RAP1GDS1: variants seen among roughly 807,000 people sequenced by gnomAD.
The protein encoded by RAP1GDS1 is RAP1, GTP-GDP dissociation stimulator 1.
A neutral mutation model predicts 71.1 loss-of-function variants in RAP1GDS1; 35 were observed. That is an observed-to-expected ratio of 0.49 (90% CI 0.38 to 0.65). RAP1GDS1 has a LOEUF of 0.65. Among genes scored for constraint, RAP1GDS1 ranks in the 30% least tolerant of loss-of-function variants. The pLI is 0.00. For missense variants in RAP1GDS1, 663 were observed against 706.1 expected, an observed-to-expected ratio of 0.94 and a Z score of 0.69; for synonymous variants, 229 against 243.1, an observed-to-expected ratio of 0.94 and a Z score of 0.54.
chr4:98,303,928 C>T (rs1004046162), intron 2 of RAP1GDS1, among the ~76,000 whole-genome samples: 2 of 152,048 alleles, frequency 1.3e-5, no homozygotes, highest in African/African-American at 4.8e-5. Context: ...TGTTCAGCTC[C>T]CACTTATAAG....
At chr4:98,389,052 A>G (rs1006310335) in intron 5 of RAP1GDS1, among the ~76,000 whole-genome samples, 2 of 152,198 alleles carry the variant, frequency 1.3e-5, no homozygotes, top group East Asian at 1.9e-4. Context: ...TACTAATACA[A>G]TTTGGTGCCA....
Position 98,391,982 on chromosome 4 carries a change from G to C in RAP1GDS1, c.539G>C (p.Gly180Ala). 6.2e-7 allele frequency: 1 copy of C among 1,610,124 alleles called. No homozygotes were observed. Among genetic ancestry groups the C allele is most frequent in the Non-Finnish European group, 8.5e-7 (1 of 1,177,542 alleles). Residue 180 changes from glycine to alanine, a missense_variant, in exon 6 of 15, where the codon GGT becomes GCT. Coordinates refer to ENST00000408927, the MANE Select transcript of RAP1GDS1 (RefSeq NM_001100427.2). ...DSLQAQLINM[G>A]VIPTLVKLLG... ...CTTCAAGCTCAGCTTATCAATATGGGTGTTATTCCTACCTTAGTGAAATTA... is the reference window on the plus strand; with the variant it reads ...CTTCAAGCTCAGCTTATCAATATGGCTGTTATTCCTACCTTAGTGAAATTA...
At chr4:98,404,148 C>G (rs1386522060) in intron 6 of RAP1GDS1, among the ~76,000 whole-genome samples, 1 of 152,058 alleles carries the variant, frequency 6.6e-6, no homozygotes, top group African/African-American at 2.4e-5. Context: ...AGATAAGTCA[C>G]CTTTAATTCA....
intron 6 of RAP1GDS1, among the ~76,000 whole-genome samples, chr4:98,400,551 A>G (rs1425013851): frequency 2.0e-5 from 3 of 149,326 alleles, no homozygotes; most frequent in Non-Finnish European, 4.4e-5. Flanking sequence ...AAAAAAACGG[A>G]TACTAGAGGT....
chr4:98,419,928 C>T, intron 10 of RAP1GDS1, 91 bp from the exon 11 acceptor site: 1 of 1,208,480 alleles, frequency 8.3e-7, no homozygotes, highest in South Asian at 2.4e-5. Context: ...AAACATGGAT[C>T]TTAAAGATAC....
At chr4:98,438,208 T>G (rs1435174991) in intron 14 of RAP1GDS1, among the ~76,000 whole-genome samples, 1 of 152,066 alleles carries the variant, frequency 6.6e-6, no homozygotes, top group African/African-American at 2.4e-5. Flanking sequence ...TCGTCAACTT[T>G]ATCTGACTTT....
At chr4:98,377,516 T>C (rs1330866690) in intron 4 of RAP1GDS1, among the ~76,000 whole-genome samples, 1 of 151,910 alleles carries the variant, frequency 6.6e-6, no homozygotes, top group Non-Finnish European at 1.5e-5. Context: ...TCCATCTTTA[T>C]AACAATACAG....
chr4:98,329,238 C>T (rs1733587004), intron 2 of RAP1GDS1, among the ~76,000 whole-genome samples: 1 of 152,030 alleles, frequency 6.6e-6, no homozygotes, highest in Non-Finnish European at 1.5e-5. Context: ...CTATTTCTAC[C>T]TTTGTTCATA....
chr4:98,426,058 C>A (rs1749562757), intron 12 of RAP1GDS1, among the ~76,000 whole-genome samples: 2 of 152,112 alleles, frequency 1.3e-5, no homozygotes, highest in African/African-American at 4.8e-5. Context: ...AACTGGAAAT[C>A]AACTCCAAAA....
chr4:98,410,454 T>C (rs186030527), intron 7 of RAP1GDS1, among the ~76,000 whole-genome samples: 224 of 152,200 alleles, frequency 1.5e-3, no homozygotes, highest in Admixed American at 2.7e-3. Context: ...ATTGGTACAA[T>C]TGGGAAGTAG....
chr4:98,416,585 T>C (rs1020596985), intron 7 of RAP1GDS1, among the ~76,000 whole-genome samples, 160 bp from the exon 8 acceptor site: 2 of 151,638 alleles, frequency 1.3e-5, no homozygotes, highest in Non-Finnish European at 2.9e-5. Context: ...CTCCTGACCT[T>C]GTGATCCGCC....
At chr4:98,421,461 AG>A (rs1748844811) in intron 12 of RAP1GDS1, 67 bp downstream of exon 12, 5 of 1,405,350 alleles carry the variant, frequency 3.6e-6, no homozygotes, top group Non-Finnish European at 9.5e-7. Context: ...CCAGCATTGT[AG>A]GTCCTAACAA....
At chr4:98,314,887 T>G (rs1730726725) in intron 2 of RAP1GDS1, among the ~76,000 whole-genome samples, 1 of 152,174 alleles carries the variant, frequency 6.6e-6, no homozygotes, top group Non-Finnish European at 1.5e-5. Flanking sequence ...ACCGTTGTTT[T>G]TTCCTTCTAT....
chr4:98,438,286 A>G (rs1248892160), intron 14 of RAP1GDS1, among the ~76,000 whole-genome samples: 1 of 151,748 alleles, frequency 6.6e-6, no homozygotes, highest in African/African-American at 2.4e-5. Context: ...CACTACAAGA[A>G]GCCATCCTAC....
chr4:98,400,783 T>C (rs1278019202), intron 6 of RAP1GDS1, among the ~76,000 whole-genome samples: 1 of 152,186 alleles, frequency 6.6e-6, no homozygotes, highest in Non-Finnish European at 1.5e-5. Context: ...CCTGATCTGC[T>C]TACTATTCAT....
chr4:98,336,075 A>G (rs555753784), intron 2 of RAP1GDS1, among the ~76,000 whole-genome samples: 6 of 152,232 alleles, frequency 3.9e-5, no homozygotes, highest in Non-Finnish European at 7.4e-5. Flanking sequence ...GTATCTGACA[A>G]TAGAATGGAG....
rs1005261501 is a variant in RAP1GDS1, at chr4:98,442,354, C to T, written c.*237C>T. On this transcript the variant is annotated 3_prime_UTR_variant, in exon 15 of 15. Transcript: ENST00000408927. Reference sequence around the variant, plus strand: ...TAACCGTTCTCTTGTATTCCTGTTGCTTGAGCTACATTAAGTAGAATGTGC... The same window carrying T: ...TAACCGTTCTCTTGTATTCCTGTTGTTTGAGCTACATTAAGTAGAATGTGC... 3 of 434,074 alleles carry T rather than the reference C, an allele frequency of 6.9e-6. No individual in the cohort carries two copies. The highest frequency in any genetic ancestry group is 5.9e-5 in the African/African-American group (3 of 51,178). The allele number at this position is 434,074 out of a possible 1,614,324, so 26.9% of individuals were successfully genotyped here.
intron 1 of RAP1GDS1, 137 bp downstream of exon 1, chr4:98,261,706 G>A (rs1010504832): frequency 6.7e-6 from 8 of 1,193,104 alleles, no homozygotes; most frequent in Middle Eastern, 2.0e-4. Context: ...GTTCCTCCGG[G>A]GAGAGTCGGC....
intron 4 of RAP1GDS1, among the ~76,000 whole-genome samples, chr4:98,367,672 A>G (rs1217454978): frequency 1.3e-5 from 2 of 152,334 alleles, no homozygotes; most frequent in African/African-American, 4.8e-5. Context: ...CTTGGATGTG[A>G]GACATGGAGT....
Sources: allele counts gnomAD v4.1 joint callset (sites outside exome capture counted in the v4.1 genomes callset), GRCh38; gene constraint gnomAD v4.1.1; transcripts MANE v1.5; gene names NCBI Gene and HGNC (gene_info 2026-07-23, HGNC 2026-07-21).